The following GPR39 variants were observed in gnomAD, a reference collection of about 807,000 sequenced individuals.
The protein encoded by GPR39 is zinc sensing receptor.
A neutral mutation model predicts 18.4 loss-of-function variants in GPR39; 23 were observed. The observed-to-expected ratio is 1.25, with a 90% confidence interval of 0.90 to 1.77. The LOEUF is 1.77. GPR39 is among the 40% of genes most tolerant of loss of function. The pLI is 0.00. For missense variants in GPR39, 647 were observed against 602.4 expected, an observed-to-expected ratio of 1.07 and a Z score of -0.78; for synonymous variants, 280 against 257.9, an observed-to-expected ratio of 1.09 and a Z score of -0.82.
At chr2:132,562,901 T>C (rs1451950944) in intron 1 of GPR39, among the ~76,000 whole-genome samples, 2 of 152,012 alleles carry the variant, frequency 1.3e-5, no homozygotes, top group Admixed American at 1.3e-4. Context: ...TAAAGTACCA[T>C]ATATGCTGTT....
chr2:132,530,711 A>G (rs1679602752), intron 1 of GPR39, among the ~76,000 whole-genome samples: 2 of 152,242 alleles, frequency 1.3e-5, no homozygotes, highest in South Asian at 2.1e-4. Context: ...ACATTCTTAA[A>G]GAAAAGAATT....
At chr2:132,515,766 A>G (rs1049151038) in intron 1 of GPR39, among the ~76,000 whole-genome samples, 1 of 152,116 alleles carries the variant, frequency 6.6e-6, no homozygotes, top group Non-Finnish European at 1.5e-5. Context: ...CCTGCTATAT[A>G]CCTAGAGGGA....
chr2:132,482,528 C>T (rs912267638), intron 1 of GPR39, among the ~76,000 whole-genome samples: 6 of 152,134 alleles, frequency 3.9e-5, no homozygotes, highest in African/African-American at 1.4e-4. Flanking sequence ...TTACGTGGAT[C>T]AAAGCAAGTG....
rs187008888 is a variant in GPR39 at position 132,462,073 on chromosome 2, G to T, written c.856+44175G>T. On this transcript the variant is annotated intron_variant, in intron 1 of 1. Coordinates refer to ENST00000329321, the MANE Select transcript of GPR39 (RefSeq NM_001508.3). ...TGACTGTTTTAATCACCTCTTATTA[G>T]CCCTGCTCATGAGGGAGGGACTCCT... 5.3e-5 allele frequency among the ~76,000 whole-genome samples: 8 copies of T among 152,254 alleles called. No individual in the cohort carries two copies. The East Asian group carries it at 1.5e-3, about 29-fold the overall frequency.
chr2:132,591,257 C>CAAAAAAAAA (rs747314988), intron 1 of GPR39, among the ~76,000 whole-genome samples: 2 of 24,582 alleles, frequency 8.1e-5, no homozygotes, highest in African/African-American at 4.2e-4. Context: ...GACTCCGTCT[C>CAAAAAAAAA]AAAAAAAAAA....
At chr2:132,626,887 A>G (rs1286678169) in intron 1 of GPR39, among the ~76,000 whole-genome samples, 2 of 152,244 alleles carry the variant, frequency 1.3e-5, no homozygotes, top group Non-Finnish European at 2.9e-5. Context: ...AAAAGCCTAT[A>G]GGTAGATCCT....
At chr2:132,618,476 C>T (rs1681377884) in intron 1 of GPR39, among the ~76,000 whole-genome samples, 1 of 152,182 alleles carries the variant, frequency 6.6e-6, no homozygotes, top group African/African-American at 2.4e-5. Flanking sequence ...CTTTCTCGAT[C>T]ACAAATGTGA....
At chr2:132,482,030 A>G (rs1681245124) in intron 1 of GPR39, among the ~76,000 whole-genome samples, 1 of 152,104 alleles carries the variant, frequency 6.6e-6, no homozygotes, top group Non-Finnish European at 1.5e-5. Flanking sequence ...CTGGACCATC[A>G]CTTGCAAGTC....
intron 1 of GPR39, among the ~76,000 whole-genome samples, chr2:132,544,821 C>T (rs1184427401): frequency 6.6e-6 from 1 of 152,074 alleles, no homozygotes; most frequent in East Asian, 1.9e-4. Context: ...GGTCTGTCTC[C>T]CCGTGTGGCT....
intron 1 of GPR39, among the ~76,000 whole-genome samples, chr2:132,633,919 G>A (rs1208140759): frequency 1.4e-5 from 2 of 146,522 alleles, no homozygotes; most frequent in Non-Finnish European, 2.9e-5. Context: ...TGGTGGTGGT[G>A]TGGTAGCAGT....
At chr2:132,554,439 C>T (rs941996199) in intron 1 of GPR39, among the ~76,000 whole-genome samples, 5 of 152,110 alleles carry the variant, frequency 3.3e-5, no homozygotes, top group Admixed American at 6.5e-5. Context: ...CAGTTTCACA[C>T]CAGGAAAATG....
intron 1 of GPR39, among the ~76,000 whole-genome samples, chr2:132,569,411 G>T (rs1484119686): frequency 1.3e-5 from 2 of 152,074 alleles, no homozygotes; most frequent in Non-Finnish European, 2.9e-5. Flanking sequence ...TGATGGATGC[G>T]TGGAGCCCAC....
At chr2:132,482,164 A>C (rs1348530033) in intron 1 of GPR39, among the ~76,000 whole-genome samples, 1 of 152,164 alleles carries the variant, frequency 6.6e-6, no homozygotes, top group African/African-American at 2.4e-5. Context: ...TAGACAAGCA[A>C]TTAACTGATT....
intron 1 of GPR39, among the ~76,000 whole-genome samples, chr2:132,424,082 G>A (rs531016145): frequency 1.0e-3 from 158 of 152,272 alleles, no homozygotes; most frequent in African/African-American, 3.7e-3. Flanking sequence ...TTTAAGATTT[G>A]CTTGCCCCTG....
chr2:132,514,198 A>G (rs988865390), intron 1 of GPR39, among the ~76,000 whole-genome samples: 2 of 152,042 alleles, frequency 1.3e-5, no homozygotes, highest in Admixed American at 1.3e-4. Flanking sequence ...GTGGGACCCA[A>G]TTCTGGAATC....
rs377524407 is a variant in GPR39, at chr2:132,474,069, C to A, written c.856+56171C>A. Among the ~76,000 whole-genome samples the A allele has an allele frequency of 5.3e-5, 8 of 152,302 alleles. No homozygotes were observed. The East Asian group carries it at 9.7e-4, about 18-fold the overall frequency. On this transcript the variant is annotated intron_variant, in intron 1 of 1. Transcript: ENST00000329321. ...GCACTACGACATGACATCAGTGTGT[C>A]CTCACTTCAGTCAGAGGAGCATGGT...
intron 1 of GPR39, among the ~76,000 whole-genome samples, chr2:132,469,076 G>A (rs1405496763): frequency 6.6e-6 from 1 of 152,214 alleles, no homozygotes; most frequent in Non-Finnish European, 1.5e-5. Flanking sequence ...CAAAGGGCTT[G>A]GGACATGTCT....
At chr2:132,486,275 T>C (rs905805033) in intron 1 of GPR39, among the ~76,000 whole-genome samples, 1 of 152,216 alleles carries the variant, frequency 6.6e-6, no homozygotes, top group Admixed American at 6.5e-5. Flanking sequence ...GGCATAATTC[T>C]GAAGGACCCT....
At chr2:132,573,321 C>A (rs549223058) in intron 1 of GPR39, among the ~76,000 whole-genome samples, 1 of 152,290 alleles carries the variant, frequency 6.6e-6, no homozygotes, top group South Asian at 2.1e-4. Context: ...CTTTGGAGAT[C>A]CCCCAATTCA....
Sources: gnomAD v4.1 joint callset for allele counts (sites outside exome capture counted in the v4.1 genomes callset) on GRCh38, gnomAD v4.1.1 for gene constraint, MANE v1.5 for transcripts, NCBI Gene and HGNC (gene_info 2026-07-23, HGNC 2026-07-21) for gene names.